Variants in ZNF385D observed in about 807,000 individuals in gnomAD.
ZNF385D encodes zinc finger protein 385D.
A neutral mutation model predicts 35.8 loss-of-function variants in ZNF385D; 15 were observed. The observed-to-expected ratio is 0.42, with a 90% CI of 0.28 to 0.64. The LOEUF is 0.64. Ranked by LOEUF, ZNF385D falls within the 30% of genes least tolerant of loss-of-function variation. The pLI, the probability that ZNF385D is intolerant of heterozygous loss-of-function variation, is 0.23. For synonymous variants in ZNF385D, 212 were observed against 186.8 expected, an observed-to-expected ratio of 1.13 and a Z score of -1.10; for missense variants, 474 against 494.6, an observed-to-expected ratio of 0.96 and a Z score of 0.39.
At chr3:21,482,691 A>C (rs1256598004) in intron 4 of ZNF385D, among the ~76,000 whole-genome samples, 1 of 152,150 alleles carries the variant, frequency 6.6e-6, no homozygotes, top group Admixed American at 6.6e-5. Flanking sequence ...AATTAGGTCA[A>C]CCAACTCAAA....
intron 4 of ZNF385D, among the ~76,000 whole-genome samples, chr3:21,483,896 A>G (rs1301092320): frequency 6.6e-6 from 1 of 152,088 alleles, no homozygotes; most frequent in African/African-American, 2.4e-5. Flanking sequence ...TAAGTTTTTA[A>G]TTTTGATGAA....
rs1696360905 is a variant in ZNF385D at position 22,195,615 on chromosome 3, CT to C, written c.107-26581del. 2.6e-5 allele frequency among the ~76,000 whole-genome samples: 4 copies of C among 151,890 alleles called. No homozygotes were observed. The South Asian group carries it at 8.3e-4, about 32-fold the overall frequency. On this transcript the variant is annotated intron_variant, in intron 2 of 5. Transcript: ENST00000494108. Reference sequence around the variant, plus strand: ...TGACTTACAGGTTTTTATTTATATTCTGAAATTTTCAAAAATGACTATACTT... The same window carrying C: ...TGACTTACAGGTTTTTATTTATATTCGAAATTTTCAAAAATGACTATACTT...
At chr3:22,104,425 T>C (rs930791475) in intron 3 of ZNF385D, among the ~76,000 whole-genome samples, 10 of 152,210 alleles carry the variant, frequency 6.6e-5, no homozygotes, top group African/African-American at 2.4e-4. Flanking sequence ...GACATTCTTC[T>C]GCAGGTAGTA....
At chr3:21,881,055 C>A (rs574114046) in intron 3 of ZNF385D, among the ~76,000 whole-genome samples, 172 of 152,010 alleles carry the variant, frequency 1.1e-3, no homozygotes, top group African/African-American at 3.1e-3. Context: ...AGGAAAGAAG[C>A]CATGTTCATA....
intron 2 of ZNF385D, among the ~76,000 whole-genome samples, chr3:21,583,490 C>T (rs1221399947): frequency 1.3e-5 from 2 of 152,186 alleles, no homozygotes; most frequent in East Asian, 1.9e-4. Context: ...AAACTCTCTG[C>T]TCTAACCTTC....
chr3:21,948,941 C>A (rs1252225609), intron 3 of ZNF385D, among the ~76,000 whole-genome samples: 1 of 152,116 alleles, frequency 6.6e-6, no homozygotes, highest in Non-Finnish European at 1.5e-5. Flanking sequence ...ATTACATTGA[C>A]AAATTGCCCT....
intron 3 of ZNF385D, among the ~76,000 whole-genome samples, chr3:21,882,104 CTTAG>C (rs1698308809): frequency 6.6e-6 from 1 of 151,974 alleles, no homozygotes; most frequent in Non-Finnish European, 1.5e-5. Flanking sequence ...ATTACATTAA[CTTAG>C]TTAATAAATC....
At chr3:22,136,454 T>C (rs9814100) in intron 3 of ZNF385D, among the ~76,000 whole-genome samples, 2,795 of 151,692 alleles carry the variant, frequency 0.018, 32 homozygotes, top group Non-Finnish European at 0.026. Context: ...TTAAACACAT[T>C]GCTAAAAAAT....
At chr3:22,139,986 C>G (rs1204036001) in intron 3 of ZNF385D, among the ~76,000 whole-genome samples, 1 of 152,190 alleles carries the variant, frequency 6.6e-6, no homozygotes, top group Non-Finnish European at 1.5e-5. Context: ...TAGAGAATCT[C>G]TCACATATTG....
chr3:21,886,886 T>C (rs575603189), intron 3 of ZNF385D, among the ~76,000 whole-genome samples: 2 of 152,256 alleles, frequency 1.3e-5, no homozygotes, highest in South Asian at 4.1e-4. Flanking sequence ...AGTGCCCCCG[T>C]GGGTCCCCTC....
chr3:22,348,319 G>C (rs1247159473), intron 2 of ZNF385D, among the ~76,000 whole-genome samples: 1 of 151,752 alleles, frequency 6.6e-6, no homozygotes, highest in Non-Finnish European at 1.5e-5. Flanking sequence ...TTGTTAGCGT[G>C]GTCCCTAATC....
At chr3:21,931,264 G>A (rs950945501) in intron 3 of ZNF385D, among the ~76,000 whole-genome samples, 2 of 152,066 alleles carry the variant, frequency 1.3e-5, no homozygotes, top group African/African-American at 4.8e-5. Context: ...TACCCACTAG[G>A]AATGCCTATA....
chr3:21,975,350 A>C (rs963807105), intron 3 of ZNF385D, among the ~76,000 whole-genome samples: 1 of 152,114 alleles, frequency 6.6e-6, no homozygotes, highest in Admixed American at 6.5e-5. Flanking sequence ...GGGAGCTAAA[A>C]ATTAAAACAA....
chr3:22,142,605 T>C (rs1393982574), intron 3 of ZNF385D, among the ~76,000 whole-genome samples: 3 of 152,110 alleles, frequency 2.0e-5, no homozygotes, highest in African/African-American at 4.8e-5. Flanking sequence ...GAGAAACATA[T>C]CCGCACAGAT....
At chr3:21,770,032 A>G (rs932629759) in intron 3 of ZNF385D, among the ~76,000 whole-genome samples, 1 of 152,210 alleles carries the variant, frequency 6.6e-6, no homozygotes, top group African/African-American at 2.4e-5. Flanking sequence ...CTGGCTTGCC[A>G]TATGGAGAAA....
chr3:21,761,302 GAGATGTT>G (rs2070597657), intron 3 of ZNF385D, among the ~76,000 whole-genome samples: 1 of 152,224 alleles, frequency 6.6e-6, no homozygotes, highest in Non-Finnish European at 1.5e-5. Flanking sequence ...ACAACTGTGT[GAGATGTT>G]AAACCTTTAT....
intron 1 of ZNF385D, among the ~76,000 whole-genome samples, chr3:21,719,484 G>C (rs2068451613): frequency 6.6e-6 from 1 of 152,326 alleles, no homozygotes; most frequent in South Asian, 2.1e-4. Flanking sequence ...CCTCTGGAGA[G>C]AGCACGCGCA....
chr3:22,237,312 T>A (rs1699242656), intron 2 of ZNF385D, among the ~76,000 whole-genome samples: 1 of 152,242 alleles, frequency 6.6e-6, no homozygotes, highest in Non-Finnish European at 1.5e-5. Context: ...TACTGGCTAT[T>A]TGTATATCTC....
chr3:22,094,410 A>ATATATATATATATATATATAT (rs1386186822), intron 3 of ZNF385D, among the ~76,000 whole-genome samples: 52 of 83,412 alleles, frequency 6.2e-4, no homozygotes, highest in African/African-American at 1.1e-3. Flanking sequence ...ATATATATAT[A>ATATATATATATATATATATAT]AAGGCATTTG....
Sources: gnomAD v4.1 joint callset for allele counts (sites outside exome capture counted in the v4.1 genomes callset) on GRCh38, gnomAD v4.1.1 for gene constraint, MANE v1.5 for transcripts, NCBI Gene and HGNC (gene_info 2026-07-23, HGNC 2026-07-21) for gene names.